The following FCRL5 variants were observed in gnomAD, a reference collection of about 807,000 sequenced individuals.
FCRL5 encodes Fc receptor-like protein 5.
Under a neutral mutation model 92.1 loss-of-function variants are expected in FCRL5, and 79 were observed. That is an observed-to-expected ratio of 0.86 (90% confidence interval 0.72 to 1.03). FCRL5 has a LOEUF of 1.03. Among genes scored for constraint, FCRL5 ranks in the 50% least tolerant of loss-of-function variants. The pLI is 0.00. For missense variants in FCRL5, 1,160 were observed against 1,181.1 expected, an observed-to-expected ratio of 0.98 and a Z score of 0.26; for synonymous variants, 466 against 469.3, an observed-to-expected ratio of 0.99 and a Z score of 0.09.
In FCRL5 at chr1:157,515,306, G is replaced by T; in HGVS notation, c.*369C>A. ...AGCACCTGAGCTGTTAGGCCAGCCC[G>T]GCATCTCCTGAAGGCCCACTCTCCC... On this transcript the variant is annotated 3_prime_UTR_variant, in exon 17 of 17. Transcript: ENST00000361835. The T allele has an allele frequency of 3.4e-6, 1 of 293,924 alleles. No homozygotes were observed. Among genetic ancestry groups the T allele is most frequent in the Non-Finnish European group, 6.6e-6 (1 of 152,622 alleles). The allele number at this position is 293,924 out of a possible 1,614,324, so 18.2% of individuals were successfully genotyped here.
At chr1:157,542,826 G>T in intron 6 of FCRL5, 33 bp downstream of exon 6, 1 of 1,595,310 alleles carries the variant, frequency 6.3e-7, no homozygotes, top group Non-Finnish European at 8.6e-7. Context: ...CTCTTGGCCA[G>T]GGGTGGGTGA....
chr1:157,552,439 C>G lies in FCRL5; in HGVS notation c.-77G>C. 1 of 1,470,944 alleles carries G rather than the reference C, an allele frequency of 6.8e-7. No homozygotes were observed. Among genetic ancestry groups the G allele is most frequent in the Non-Finnish European group, 9.5e-7 (1 of 1,049,846 alleles). The allele number at this position is 1,470,944 out of a possible 1,614,324, so 91.1% of individuals were successfully genotyped here. A position where few individuals can be genotyped will look rare whatever the true frequency, so the allele number is the denominator to read the frequency against. On this transcript the variant is annotated 5_prime_UTR_variant, in exon 1 of 17. Transcript: ENST00000361835. ...CAAAACAGGTTTGGACTTGATCTTA[C>G]AGTCAGGACACTGCACACCAGCTCC...
At chr1:157,547,917 C>G (rs188363444) in intron 2 of FCRL5, among the ~76,000 whole-genome samples, 3 of 152,316 alleles carry the variant, frequency 2.0e-5, no homozygotes, top group African/African-American at 7.2e-5. Flanking sequence ...TCCCCATCTC[C>G]CCTTTCTGTG....
chr1:157,543,125 T>C lies in FCRL5; in HGVS notation c.857A>G (p.His286Arg). 1 of 1,613,886 alleles carries C rather than the reference T, an allele frequency of 6.2e-7. No homozygotes were observed. The highest frequency in any genetic ancestry group is 1.1e-5 in the South Asian group (1 of 91,064). Residue 286 changes from histidine to arginine, a missense_variant, in exon 6 of 17, where the codon CAT becomes CGT. His to Arg is a conservative substitution (Grantham distance 29, BLOSUM62 0). Coordinates refer to ENST00000361835, the MANE Select transcript of FCRL5 (RefSeq NM_031281.3). The stretch of plus-strand genomic sequence containing the variant: ...TTCAGGGCTGAGAGTGAGGACAGGA[T>C]GAGATGCAGGGACTGAGCAAGAGAA... ...SWIQVQIPAS[H>R]PVLTLSPEKA...
intron 1 of FCRL5, among the ~76,000 whole-genome samples, chr1:157,550,917 A>C (rs1651781627): frequency 6.6e-6 from 1 of 152,212 alleles, no homozygotes; most frequent in South Asian, 2.1e-4. Flanking sequence ...AAGGCAATAG[A>C]AATCCAGGAG....
chr1:157,516,991 A>G (rs1211877522), intron 15 of FCRL5, among the ~76,000 whole-genome samples: 1 of 152,236 alleles, frequency 6.6e-6, no homozygotes, highest in Non-Finnish European at 1.5e-5. Flanking sequence ...TGAGGCACAA[A>G]CACAATTCAC....
In FCRL5 at chr1:157,544,620, G is replaced by T; in HGVS notation, c.560-74C>A. ...TTTGGAGAAAAGCACACTTCAAGCAGCAGCACATCCAAAAGCAGGCAAAGA... is the reference window on the plus strand; with the variant it reads ...TTTGGAGAAAAGCACACTTCAAGCATCAGCACATCCAAAAGCAGGCAAAGA... On this transcript the variant is annotated intron_variant, in intron 4 of 16. Coordinates refer to ENST00000361835, the MANE Select transcript of FCRL5 (RefSeq NM_031281.3). The T allele has an allele frequency of 1.9e-6, 3 of 1,542,656 alleles. No homozygotes were observed. In the South Asian group the frequency reaches 3.5e-5, roughly 18 times the overall value.
intron 2 of FCRL5, 31 bp from the exon 3 acceptor site, chr1:157,547,228 T>C (rs1284458559): frequency 2.5e-6 from 4 of 1,610,404 alleles, no homozygotes; most frequent in Non-Finnish European, 1.7e-6. Context: ...GAGTCTGAGG[T>C]GGAGGCGCCT....
intron 12 of FCRL5, among the ~76,000 whole-genome samples, chr1:157,520,117 T>C (rs1650108232): frequency 6.6e-6 from 1 of 152,152 alleles, no homozygotes; most frequent in South Asian, 2.1e-4. Context: ...TCATTTCTAT[T>C]TCTCTGAGTT....
chr1:157,546,814 C>T (rs1424381424), intron 3 of FCRL5, 129 bp downstream of exon 3: 19 of 1,186,500 alleles, frequency 1.6e-5, no homozygotes, highest in East Asian at 2.4e-5. Context: ...TTACTCTCTC[C>T]TTGTCTTACC....
At chr1:157,520,214 A>G (rs1454938473) in intron 12 of FCRL5, among the ~76,000 whole-genome samples, 1 of 152,164 alleles carries the variant, frequency 6.6e-6, no homozygotes, top group Non-Finnish European at 1.5e-5. Context: ...GATAAACTAC[A>G]TCTCATCAAG....
At chr1:157,542,792 T>A in intron 6 of FCRL5, 67 bp downstream of exon 6, 1 of 1,550,336 alleles carries the variant, frequency 6.5e-7, no homozygotes. Flanking sequence ...TATGCTGACT[T>A]CCGAAGGGCA....
chr1:157,519,899 G>T, intron 12 of FCRL5, 129 bp from the exon 13 acceptor site: 1 of 950,862 alleles, frequency 1.1e-6, no homozygotes, highest in Non-Finnish European at 1.7e-6. Flanking sequence ...TCTTTGTTAT[G>T]CCCCAGGGAG....
Position 157,521,143 on chromosome 1 carries a change from A to G in FCRL5, c.2389T>C (p.Ser797Pro). The G allele has an allele frequency of 6.2e-7, 1 of 1,614,084 alleles. No individual in the cohort carries two copies. The highest frequency in any genetic ancestry group is 8.5e-7 in the Non-Finnish European group (1 of 1,180,006). The change falls in exon 11 of 17, where the codon TCG becomes CCG. Residue 797 changes from serine (S) to proline (P), a missense_variant. Transcript: ENST00000361835. ...FHEDVTLGNR[S>P]SPSGGASLNL... is the part of the protein sequence containing the mutation. ...AAGGACGCTCCTCCAGAGGGGGACG[A>G]CCTATTTCCTAGGGTGACATCCTCA...
intron 1 of FCRL5, among the ~76,000 whole-genome samples, chr1:157,549,896 C>G (rs1207727404): frequency 1.3e-5 from 2 of 151,986 alleles, no homozygotes. Context: ...CAGAAATACA[C>G]ATGGGGTATG....
chr1:157,521,878 C>G (rs1650215273), intron 10 of FCRL5: 2 of 152,170 alleles, frequency 1.3e-5, no homozygotes, highest in African/African-American at 4.8e-5. Context: ...ACTTCTAGGG[C>G]CATCTCCTTT....
chr1:157,538,064 T>G (rs1651056831), intron 7 of FCRL5, among the ~76,000 whole-genome samples: 1 of 152,244 alleles, frequency 6.6e-6, no homozygotes, highest in Non-Finnish European at 1.5e-5. Context: ...CAGCATTTAG[T>G]AGGTGAAGAA....
At chr1:157,548,828 C>T (rs888278557) in intron 2 of FCRL5, among the ~76,000 whole-genome samples, 9 of 152,194 alleles carry the variant, frequency 5.9e-5, no homozygotes, top group African/African-American at 2.2e-4. Flanking sequence ...CACTTTTACA[C>T]TGTTGGTGGG....
intron 1 of FCRL5, 38 bp from the exon 2 acceptor site, chr1:157,549,618 A>C: frequency 6.3e-7 from 1 of 1,597,570 alleles, no homozygotes; most frequent in South Asian, 1.1e-5. Context: ...GCACAGAACC[A>C]TGATTATTTT....
Sources: gnomAD v4.1 joint callset for allele counts (sites outside exome capture counted in the v4.1 genomes callset) on GRCh38, gnomAD v4.1.1 for gene constraint, MANE v1.5 for transcripts, NCBI Gene and HGNC (gene_info 2026-07-23, HGNC 2026-07-21) for gene names.